Variants in GPC5 observed in about 807,000 individuals in gnomAD.
GPC5 encodes the protein glypican-5.
GPC5 carries 47 observed loss-of-function variants against 53.9 expected under a neutral mutation model. That is an observed-to-expected ratio of 0.87 (90% CI 0.69 to 1.11). The LOEUF is 1.11. Among genes scored for constraint, GPC5 ranks in the 50% most tolerant of loss-of-function variants. The probability of loss-of-function intolerance (pLI) is 0.00; values close to 1 mark genes in which losing one functional copy is unlikely to be tolerated. For missense variants in GPC5, 748 were observed against 713.1 expected, an observed-to-expected ratio of 1.05 and a Z score of -0.56; for synonymous variants, 286 against 263.3, an observed-to-expected ratio of 1.09 and a Z score of -0.84.
At chr13:92,770,494 T>C (rs981697825) in intron 7 of GPC5, among the ~76,000 whole-genome samples, 2 of 152,012 alleles carry the variant, frequency 1.3e-5, no homozygotes, top group Non-Finnish European at 2.9e-5. Flanking sequence ...GTAACTTCTC[T>C]GCTGACTGTA....
chr13:92,240,348 T>C (rs1358489097), intron 7 of GPC5: 1 of 152,154 alleles, frequency 6.6e-6, no homozygotes, highest in Non-Finnish European at 1.5e-5. Context: ...AGCATCTAAT[T>C]GTCTATAGTT....
intron 7 of GPC5, among the ~76,000 whole-genome samples, chr13:92,331,747 C>T (rs192352747): frequency 5.9e-5 from 9 of 151,832 alleles, no homozygotes; most frequent in East Asian, 1.9e-4. Context: ...TTTATATCAG[C>T]ACAGCCAAAC....
chr13:92,213,667 A>G (rs376480751), intron 7 of GPC5, among the ~76,000 whole-genome samples: 3 of 152,148 alleles, frequency 2.0e-5, no homozygotes, highest in African/African-American at 7.2e-5. Flanking sequence ...TCACAACAAA[A>G]ATGTTGTGTT....
intron 7 of GPC5, among the ~76,000 whole-genome samples, chr13:92,309,970 T>C (rs1482289835): frequency 6.6e-6 from 1 of 152,050 alleles, no homozygotes; most frequent in Non-Finnish European, 1.5e-5. Context: ...CTGACTTTTT[T>C]TAGAATCCAC....
At chr13:91,472,779 G>A (rs756217390) in intron 2 of GPC5, among the ~76,000 whole-genome samples, 3 of 152,108 alleles carry the variant, frequency 2.0e-5, no homozygotes, top group South Asian at 2.1e-4. Context: ...TTGTGCCTTC[G>A]TACTTGATCC....
chr13:92,740,622 A>G (rs1889056792), intron 7 of GPC5, among the ~76,000 whole-genome samples: 1 of 152,054 alleles, frequency 6.6e-6, no homozygotes, highest in African/African-American at 2.4e-5. Context: ...TAGTGCTAAA[A>G]TGGCTAAAAG....
intron 7 of GPC5, among the ~76,000 whole-genome samples, chr13:92,485,763 G>A (rs1167308262): frequency 1.3e-5 from 2 of 152,164 alleles, no homozygotes; most frequent in African/African-American, 4.8e-5. Flanking sequence ...ATCACCTGAG[G>A]TCAGGAGCTT....
chr13:91,934,885 C>T (rs1256803781), intron 6 of GPC5, among the ~76,000 whole-genome samples: 1 of 152,084 alleles, frequency 6.6e-6, no homozygotes, highest in Admixed American at 6.6e-5. Flanking sequence ...TCAGTCTTCT[C>T]TCAGTTTCTT....
At chr13:92,133,974 T>C (rs1481563143) in intron 6 of GPC5, among the ~76,000 whole-genome samples, 1 of 152,280 alleles carries the variant, frequency 6.6e-6, no homozygotes, top group East Asian at 1.9e-4. Context: ...AACTATTACC[T>C]TGGCAATATA....
chr13:92,499,651 A>G (rs1163085749), intron 7 of GPC5, among the ~76,000 whole-genome samples: 1 of 152,196 alleles, frequency 6.6e-6, no homozygotes, highest in Non-Finnish European at 1.5e-5. Flanking sequence ...CAAAGAGCAT[A>G]AAGTGCCAGA....
rs1881787805 is a variant in GPC5 at position 91,459,455 on chromosome 13, CT to C, written c.325+10534del. ...TATCTCTTATGATCCTTAGTGGGCC[CT>C]GGACATAGTAAGAAAAGAATTGAAG... On this transcript the variant is annotated intron_variant, in intron 2 of 7. Transcript: ENST00000377067. 1.3e-5 allele frequency among the ~76,000 whole-genome samples: 2 copies of C among 150,024 alleles called. 1 individual carries two copies.
chr13:92,301,089 A>G (rs966712645), intron 7 of GPC5, among the ~76,000 whole-genome samples: 1 of 152,238 alleles, frequency 6.6e-6, no homozygotes, highest in African/African-American at 2.4e-5. Context: ...ACAATAAAGA[A>G]CATAACATCA....
At chr13:91,646,703 A>C (rs549368993) in intron 2 of GPC5, among the ~76,000 whole-genome samples, 2 of 152,186 alleles carry the variant, frequency 1.3e-5, no homozygotes, top group Non-Finnish European at 2.9e-5. Context: ...TACCTTAAAT[A>C]TATGCTTCTG....
At chr13:92,066,109 G>A (rs2041165468) in intron 6 of GPC5, among the ~76,000 whole-genome samples, 1 of 152,036 alleles carries the variant, frequency 6.6e-6, no homozygotes, top group Admixed American at 6.5e-5. Flanking sequence ...GGAGGCAGAA[G>A]TTTAAGGAAA....
chr13:92,314,459 G>A (rs559101605), intron 7 of GPC5, among the ~76,000 whole-genome samples: 1 of 152,308 alleles, frequency 6.6e-6, no homozygotes, highest in South Asian at 2.1e-4. Flanking sequence ...TTACTGAATA[G>A]TAACTATGAT....
intron 1 of GPC5, among the ~76,000 whole-genome samples, chr13:91,445,903 G>A (rs753127276): frequency 1.3e-5 from 2 of 152,122 alleles, no homozygotes; most frequent in Admixed American, 6.5e-5. Flanking sequence ...CAAGTGGGTC[G>A]CTGTGCTTTC....
intron 7 of GPC5, among the ~76,000 whole-genome samples, chr13:92,442,815 A>G (rs543035702): frequency 1.3e-5 from 2 of 152,310 alleles, no homozygotes; most frequent in South Asian, 4.1e-4. Flanking sequence ...CAATCCTCCT[A>G]AAGTAGAAGG....
At chr13:92,395,170 T>A (rs1400021978) in intron 7 of GPC5, among the ~76,000 whole-genome samples, 1 of 152,210 alleles carries the variant, frequency 6.6e-6, no homozygotes, top group African/African-American at 2.4e-5. Context: ...TTCTGCTTGT[T>A]ACATGCTCCT....
At chr13:92,823,028 T>G (rs1166940650) in intron 7 of GPC5, among the ~76,000 whole-genome samples, 1 of 152,104 alleles carries the variant, frequency 6.6e-6, no homozygotes, top group Non-Finnish European at 1.5e-5. Context: ...CTTGGCATTT[T>G]TTTCCACTAA....
Sources: gnomAD v4.1 joint callset for allele counts (sites outside exome capture counted in the v4.1 genomes callset) on GRCh38, gnomAD v4.1.1 for gene constraint, MANE v1.5 for transcripts, NCBI Gene and HGNC (gene_info 2026-07-23, HGNC 2026-07-21) for gene names.